CCSER1: variants seen among roughly 807,000 people sequenced by gnomAD.
CCSER1 encodes coiled-coil serine rich protein 1, also known as serine-rich coiled-coil domain-containing protein 1.
In CCSER1, 41 loss-of-function variants were observed where a neutral mutation model predicts 82.0. The observed-to-expected ratio is 0.50, with a 90% CI of 0.39 to 0.65. The LOEUF (loss-of-function observed/expected upper bound fraction) is 0.65. Ranked by LOEUF, CCSER1 falls within the 30% of genes least tolerant of loss-of-function variation. The pLI is 0.00. For missense variants in CCSER1, 1,119 were observed against 1,064.2 expected, an observed-to-expected ratio of 1.05 and a Z score of -0.72; for synonymous variants, 414 against 383.9, an observed-to-expected ratio of 1.08 and a Z score of -0.92.
At chr4:91,258,475 T>A (rs1740863519) in intron 10 of CCSER1, among the ~76,000 whole-genome samples, 1 of 152,076 alleles carries the variant, frequency 6.6e-6, no homozygotes, top group Non-Finnish European at 1.5e-5. Context: ...AAATACATTA[T>A]CAGATAAGTT....
intron 4 of CCSER1, among the ~76,000 whole-genome samples, chr4:90,448,582 A>G (rs1761019379): frequency 6.6e-6 from 1 of 151,018 alleles, no homozygotes; most frequent in Non-Finnish European, 1.5e-5. Flanking sequence ...ATCTTCGTTC[A>G]TAAATTCCAC....
chr4:90,875,919 G>A (rs1767145845), intron 8 of CCSER1, among the ~76,000 whole-genome samples: 1 of 152,122 alleles, frequency 6.6e-6, no homozygotes, highest in African/African-American at 2.4e-5. Flanking sequence ...TTGCGATGGT[G>A]TTTCACTTAT....
At chr4:90,130,912 C>T (rs1039029584) in intron 1 of CCSER1, among the ~76,000 whole-genome samples, 4 of 152,086 alleles carry the variant, frequency 2.6e-5, no homozygotes, top group African/African-American at 9.7e-5. Flanking sequence ...ACCCACTGCG[C>T]CCTGCCCACA....
At chr4:91,076,788 C>A (rs1164515975) in intron 9 of CCSER1, among the ~76,000 whole-genome samples, 3 of 152,146 alleles carry the variant, frequency 2.0e-5, no homozygotes, top group African/African-American at 4.8e-5. Context: ...CAATCCAACA[C>A]TGGAATTTCT....
intron 8 of CCSER1, among the ~76,000 whole-genome samples, chr4:90,901,339 T>C (rs1724626240): frequency 6.6e-6 from 1 of 152,062 alleles, no homozygotes; most frequent in Admixed American, 6.6e-5. Context: ...ATAGTATTGT[T>C]AGCTAGTTGC....
intron 9 of CCSER1, among the ~76,000 whole-genome samples, chr4:90,982,968 C>G (rs1736253634): frequency 6.6e-6 from 1 of 151,776 alleles, no homozygotes; most frequent in Non-Finnish European, 1.5e-5. Flanking sequence ...AGTAGTACAT[C>G]TAAGTGCATT....
At chr4:90,698,416 G>A (rs544375047) in intron 6 of CCSER1, among the ~76,000 whole-genome samples, 2 of 152,252 alleles carry the variant, frequency 1.3e-5, no homozygotes, top group East Asian at 3.9e-4. Context: ...AGATAAAATC[G>A]AGCAGACAAG....
intron 10 of CCSER1, among the ~76,000 whole-genome samples, chr4:91,432,578 T>C (rs1177808651): frequency 2.0e-5 from 3 of 152,186 alleles, no homozygotes; most frequent in Non-Finnish European, 4.4e-5. Flanking sequence ...TCCATACTTT[T>C]ATTAACTGGT....
At chr4:91,176,589 A>T (rs973429671) in intron 10 of CCSER1, among the ~76,000 whole-genome samples, 24 of 152,116 alleles carry the variant, frequency 1.6e-4, no homozygotes, top group Non-Finnish European at 2.5e-4. Context: ...CAATTGTGAA[A>T]GGGAGTTCAC....
At chr4:91,161,027 T>A (rs1330229613) in intron 10 of CCSER1, among the ~76,000 whole-genome samples, 1 of 152,222 alleles carries the variant, frequency 6.6e-6, no homozygotes, top group Non-Finnish European at 1.5e-5. Context: ...AGGGTTTTTA[T>A]GATTTTAGGT....
chr4:91,158,849 A>T (rs975394401), intron 10 of CCSER1, among the ~76,000 whole-genome samples: 1 of 152,032 alleles, frequency 6.6e-6, no homozygotes, highest in Non-Finnish European at 1.5e-5. Context: ...TGAATTGGAG[A>T]GTCAGAAGAT....
chr4:90,718,194 C>T (rs1380890697), intron 6 of CCSER1, among the ~76,000 whole-genome samples: 6 of 152,008 alleles, frequency 3.9e-5, no homozygotes, highest in Non-Finnish European at 7.4e-5. Context: ...TTAGTTAACA[C>T]ATTTAAAAGG....
intron 10 of CCSER1, among the ~76,000 whole-genome samples, chr4:91,594,528 T>G (rs1346210346): frequency 6.6e-6 from 1 of 150,840 alleles, no homozygotes; most frequent in African/African-American, 2.4e-5. Flanking sequence ...CTATCTTAGA[T>G]TCCCATCCTT....
intron 7 of CCSER1, among the ~76,000 whole-genome samples, chr4:90,735,015 T>C (rs1387926576): frequency 6.6e-6 from 1 of 152,154 alleles, no homozygotes; most frequent in Non-Finnish European, 1.5e-5. Flanking sequence ...CTCAGTTTTT[T>C]AGGGTTTTTA....
intron 3 of CCSER1, among the ~76,000 whole-genome samples, chr4:90,373,470 T>G (rs778319750): frequency 6.6e-6 from 1 of 152,156 alleles, no homozygotes; most frequent in African/African-American, 2.4e-5. Flanking sequence ...CATAGTGAAA[T>G]AATAAGTCAT....
intron 9 of CCSER1, among the ~76,000 whole-genome samples, chr4:91,065,091 A>G (rs1581459707): frequency 6.6e-6 from 1 of 152,310 alleles, no homozygotes; most frequent in East Asian, 1.9e-4. Flanking sequence ...AGTGCTTTGT[A>G]AACCTAAAGC....
intron 10 of CCSER1, among the ~76,000 whole-genome samples, chr4:91,204,898 GAAATT>G (rs1245096115): frequency 2.6e-5 from 4 of 151,556 alleles, no homozygotes; most frequent in African/African-American, 9.7e-5. Context: ...TTTTGTGAAT[GAAATT>G]AAACATTTTT....
At chr4:91,477,195 G>C (rs1273568573) in intron 10 of CCSER1, among the ~76,000 whole-genome samples, 1 of 151,650 alleles carries the variant, frequency 6.6e-6, no homozygotes, top group Non-Finnish European at 1.5e-5. Flanking sequence ...ACCCAGAATA[G>C]ATAAGGAACT....
At chr4:91,043,584 T>C (rs1581409678) in intron 9 of CCSER1, among the ~76,000 whole-genome samples, 1 of 1,818 alleles carries the variant, frequency 5.5e-4, no homozygotes, top group African/African-American at 8.0e-4. Flanking sequence ...ATCAGCCTTC[T>C]TTTTTTTTTT....
Sources: allele counts gnomAD v4.1 joint callset (sites outside exome capture counted in the v4.1 genomes callset), GRCh38; gene constraint gnomAD v4.1.1; transcripts MANE v1.5; gene names NCBI Gene and HGNC (gene_info 2026-07-23, HGNC 2026-07-21).